The following GRIK1 variants were observed in gnomAD, a reference collection of about 807,000 sequenced individuals.
GRIK1 encodes the protein glutamate receptor ionotropic, kainate 1.
GRIK1 carries 69 observed loss-of-function variants against 105.7 expected under a neutral mutation model. The ratio of observed to expected loss-of-function variants is 0.65; its 90% CI spans 0.54 to 0.80. GRIK1 has a LOEUF of 0.80. Ranked by LOEUF, GRIK1 falls within the 30% of genes least tolerant of loss-of-function variation. The probability of loss-of-function intolerance (pLI) is 0.00; values close to 1 mark genes in which losing one functional copy is unlikely to be tolerated. For missense variants in GRIK1, 1,109 were observed against 1,167.3 expected (o/e 0.95, Z 0.73); for synonymous variants, 438 against 431.3 (o/e 1.02, Z -0.19).
At chr21:29,895,944 T>C (rs1569198661) in intron 1 of GRIK1, among the ~76,000 whole-genome samples, 1 of 152,202 alleles carries the variant, frequency 6.6e-6, no homozygotes, top group African/African-American at 2.4e-5. Context: ...CTTGTTTCCT[T>C]TGCTCCAGCC....
chr21:29,656,276 G>A (rs565255615), intron 4 of GRIK1, among the ~76,000 whole-genome samples: 178 of 146,054 alleles, frequency 1.2e-3, no homozygotes, highest in African/African-American at 4.1e-3. Context: ...GCAGGAGAAC[G>A]GCGTGAACCC....
intron 16 of GRIK1, among the ~76,000 whole-genome samples, chr21:29,546,682 G>A (rs150162998): frequency 6.6e-6 from 1 of 152,304 alleles, no homozygotes; most frequent in East Asian, 1.9e-4. Flanking sequence ...AGCCTTTTGG[G>A]TTTTGGCTCT....
intron 4 of GRIK1, 93 bp downstream of exon 4, chr21:29,672,890 A>G (rs769838302): frequency 9.6e-5 from 84 of 873,478 alleles, no homozygotes; most frequent in Non-Finnish European, 1.5e-4. Flanking sequence ...CTGCAGTTTT[A>G]TTATGCTGCA....
At chr21:29,706,342 A>C (rs1402159128) in intron 1 of GRIK1, among the ~76,000 whole-genome samples, 1 of 152,244 alleles carries the variant, frequency 6.6e-6, no homozygotes, top group Non-Finnish European at 1.5e-5. Flanking sequence ...GTGCTGTAGA[A>C]CATCTAAAAA....
chr21:29,753,868 T>G (rs1469693054), intron 1 of GRIK1, among the ~76,000 whole-genome samples: 2 of 152,110 alleles, frequency 1.3e-5, no homozygotes, highest in Admixed American at 1.3e-4. Context: ...GTATAATATA[T>G]ATATAATATA....
intron 1 of GRIK1, among the ~76,000 whole-genome samples, chr21:29,912,607 T>C (rs922151524): frequency 6.6e-6 from 1 of 152,086 alleles, no homozygotes; most frequent in African/African-American, 2.4e-5. Flanking sequence ...TTTTGTGACA[T>C]TTTTGTAAAT....
intron 1 of GRIK1, among the ~76,000 whole-genome samples, chr21:29,798,445 A>G (rs533999265): frequency 1.3e-5 from 2 of 152,340 alleles, no homozygotes; most frequent in East Asian, 3.9e-4. Flanking sequence ...TTTTTCTTAC[A>G]ACTATATAGC....
chr21:29,767,829 TG>T lies in GRIK1; in HGVS notation c.119-73767del, dbSNP rs1431208007. On this transcript the variant is annotated intron_variant, in intron 1 of 17. Transcript: ENST00000327783. The stretch of plus-strand genomic sequence containing the variant: ...TTGTATGTATGTGTGTGTGTGTGTG[TG>T]TTTGTGTGTGTGTGTTCTCCTCAGC... Among the ~76,000 whole-genome samples the T allele has an allele frequency of 2.7e-3, 406 of 152,054 alleles. 2 individuals are homozygous for T. Among genetic ancestry groups the T allele is most frequent in the African/African-American group, 9.1e-3 (378 of 41,414 alleles).
intron 1 of GRIK1, among the ~76,000 whole-genome samples, chr21:29,702,659 C>G (rs1054966011): frequency 6.6e-6 from 1 of 152,012 alleles, no homozygotes; most frequent in East Asian, 1.9e-4. Flanking sequence ...TGCAGTGAGC[C>G]GAGATCGCAC....
intron 1 of GRIK1, among the ~76,000 whole-genome samples, chr21:29,720,996 C>T (rs1460393824): frequency 6.6e-6 from 1 of 152,114 alleles, no homozygotes; most frequent in East Asian, 1.9e-4. Flanking sequence ...ACCCCACTCC[C>T]AGACAGACTT....
chr21:29,614,043 A>C (rs1470016033), intron 7 of GRIK1, among the ~76,000 whole-genome samples: 1 of 152,164 alleles, frequency 6.6e-6, no homozygotes, highest in Non-Finnish European at 1.5e-5. Context: ...CTCATAGGTC[A>C]TTCTCTGGGG....
In GRIK1 at chr21:29,762,271, G is replaced by A. The variant is rs565012511; in HGVS notation, c.119-68208C>T. Among the ~76,000 whole-genome samples, 7 of 152,218 alleles carry A rather than the reference G, an allele frequency of 4.6e-5. No individual in the cohort carries two copies. In the East Asian group the frequency reaches 5.8e-4, roughly 13 times the overall value. On this transcript the variant is annotated intron_variant, in intron 1 of 17. Transcript: ENST00000327783. ...GTCTTTCCAGGAAGGCATCATCATCGTAAGGTGCCATTATGAATAACATTC... is the reference window on the plus strand; with the variant it reads ...GTCTTTCCAGGAAGGCATCATCATCATAAGGTGCCATTATGAATAACATTC...
chr21:29,560,360 TCTTTCTTCCTTC>T (rs1235122480), intron 15 of GRIK1, among the ~76,000 whole-genome samples: 155 of 46,884 alleles, frequency 3.3e-3, no homozygotes, highest in Middle Eastern at 0.01. Context: ...TCTTTCTTTT[TCTTTCTTCCTTC>T]CTTCCTTCCT....
intron 1 of GRIK1, among the ~76,000 whole-genome samples, chr21:29,745,508 A>G (rs1254392754): frequency 6.6e-6 from 1 of 152,260 alleles, no homozygotes; most frequent in Non-Finnish European, 1.5e-5. Context: ...ATAGATTGCT[A>G]GCAATAGACA....
At chr21:29,573,806 G>T (rs1009136339) in intron 14 of GRIK1, among the ~76,000 whole-genome samples, 1 of 148,684 alleles carries the variant, frequency 6.7e-6, no homozygotes, top group South Asian at 2.1e-4. Context: ...CCAAGACTGC[G>T]CCACTGCACT....
At chr21:29,547,623 T>C (rs1245147178) in intron 16 of GRIK1, among the ~76,000 whole-genome samples, 1 of 152,270 alleles carries the variant, frequency 6.6e-6, no homozygotes, top group Non-Finnish European at 1.5e-5. Context: ...TATTGGGCCA[T>C]GCCCATCGTT....
At chr21:29,673,227 C>A in intron 3 of GRIK1, 63 bp from the exon 4 acceptor site, 1 of 1,149,232 alleles carries the variant, frequency 8.7e-7, no homozygotes, top group South Asian at 1.4e-5. Flanking sequence ...TGTTTATTGC[C>A]ATTTAGTTAA....
intron 1 of GRIK1, among the ~76,000 whole-genome samples, chr21:29,846,539 T>A (rs1398219075): frequency 6.6e-6 from 1 of 152,098 alleles, no homozygotes; most frequent in Non-Finnish European, 1.5e-5. Context: ...CATGCATTTG[T>A]CCCGTCATTC....
chr21:29,884,596 A>G (rs994488832), intron 1 of GRIK1, among the ~76,000 whole-genome samples: 50 of 152,152 alleles, frequency 3.3e-4, no homozygotes, highest in African/African-American at 1.2e-3. Context: ...GTGGGTGCCA[A>G]TGTTTCTAAC....
Sources: gnomAD v4.1 joint callset for allele counts (sites outside exome capture counted in the v4.1 genomes callset) on GRCh38, gnomAD v4.1.1 for gene constraint, MANE v1.5 for transcripts, NCBI Gene and HGNC (gene_info 2026-07-23, HGNC 2026-07-21) for gene names.